EMILIN2: variants seen among roughly 807,000 people sequenced by gnomAD.
EMILIN2 encodes the protein EMILIN-2.
EMILIN2 carries 71 observed loss-of-function variants against 87.1 expected under a neutral mutation model. The observed-to-expected ratio is 0.82, with a 90% CI of 0.67 to 0.99. The LOEUF (loss-of-function observed/expected upper bound fraction) is 0.99, where lower values mean the gene tolerates loss of function less well. EMILIN2 is among the 50% of genes least tolerant of loss of function. EMILIN2 has a pLI of 0.00. For synonymous variants in EMILIN2, 581 were observed against 563.4 expected (o/e 1.03, Z -0.44); for missense variants, 1,407 against 1,371.8 (o/e 1.03, Z -0.40).
chr18:2,858,769 G>A (rs908437444), intron 2 of EMILIN2, among the ~76,000 whole-genome samples: 1 of 150,960 alleles, frequency 6.6e-6, no homozygotes, highest in Non-Finnish European at 1.5e-5. Context: ...CCGAGTAGCT[G>A]GGATTACAGG....
intron 2 of EMILIN2, among the ~76,000 whole-genome samples, chr18:2,876,227 C>T (rs1000216448): frequency 3.3e-5 from 5 of 151,518 alleles, no homozygotes; most frequent in African/African-American, 4.8e-5. Context: ...GTGATCCACC[C>T]GCCTCGGCCT....
At position 2,890,407 on chromosome 18, in the gene EMILIN2, CTT is replaced by C. The variant is rs1176777471; in HGVS notation, c.434-151_434-150del. Among the ~76,000 whole-genome samples the C allele has an allele frequency of 6.6e-6, 1 of 152,228 alleles. No individual in the cohort carries two copies. Among genetic ancestry groups the C allele is most frequent in the Non-Finnish European group, 1.5e-5 (1 of 68,044 alleles). ...TCTATTTGACTACAAAGCCCATACT[CTT>C]TTCTACTGTACCACAGTACTTACCT... On this transcript the variant is annotated intron_variant, in intron 3 of 7. Coordinates refer to ENST00000254528, the MANE Select transcript of EMILIN2 (RefSeq NM_032048.3). The surrounding 1 kb of genome is among the most constrained non-coding windows in gnomAD (Gnocchi z 4.7).
Position 2,890,754 on chromosome 18 carries a change from T to C in EMILIN2, c.627T>C (p.Ser209=). The C allele has an allele frequency of 1.9e-6, 3 of 1,613,642 alleles. No homozygotes were observed. Among genetic ancestry groups the C allele is most frequent in the Non-Finnish European group, 2.5e-6 (3 of 1,179,832 alleles). Residue 209 remains serine (S), a synonymous_variant, in exon 4 of 8, where the codon AGT becomes AGC. Transcript: ENST00000254528. This position sits in a 1 kb window ranked among gnomAD's most constrained non-coding sequence, Gnocchi z 4.7. ...LDLQSSLAGV[S]ENLKHATQDD... is the part of the protein sequence containing the mutation. ...TCCAGTCTTCCCTTGCTGGAGTGAGTGAAAATCTCAAACATGCCACTCAGG... is the reference window on the plus strand; with the variant it reads ...TCCAGTCTTCCCTTGCTGGAGTGAGCGAAAATCTCAAACATGCCACTCAGG...
rs1042889259 is a variant in EMILIN2, at chr18:2,894,656, T to C, written c.2359+2170T>C. Among the ~76,000 whole-genome samples, 2 of 152,238 alleles carry C rather than the reference T, an allele frequency of 1.3e-5. No homozygotes were observed. The highest frequency in any genetic ancestry group is 4.8e-5 in the African/African-American group (2 of 41,466). On this transcript the variant is annotated intron_variant, in intron 4 of 7. Transcript: ENST00000254528. This position sits in a 1 kb window ranked among gnomAD's most constrained non-coding sequence, Gnocchi z 5.0. ...GGGTGAATTCTTTTAAAAGAGAATGTGCCATACAAAACATTATCCCTTTGG... is the reference window on the plus strand; with the variant it reads ...GGGTGAATTCTTTTAAAAGAGAATGCGCCATACAAAACATTATCCCTTTGG...
Position 2,890,952 on chromosome 18 carries a change from C to T in EMILIN2, c.825C>T (p.Asn275=), listed in dbSNP as rs779182627. The change falls in exon 4 of 8, where the codon AAC becomes AAT. Residue 275 remains asparagine, a synonymous_variant. Coordinates refer to ENST00000254528, the MANE Select transcript of EMILIN2 (RefSeq NM_032048.3). The surrounding 1 kb of genome is among the most constrained non-coding windows in gnomAD (Gnocchi z 4.7). ...ELAEVKDTLK[N]KSDKLEELDG... The stretch of plus-strand genomic sequence containing the variant: ...CTGAAGTCAAAGATACTCTAAAGAA[C>T]AAAAGTGACAAGCTGGAAGAGCTGG... 1 of 1,614,096 alleles carries T rather than the reference C, an allele frequency of 6.2e-7. No individual in the cohort carries two copies. Among genetic ancestry groups the T allele is most frequent in the South Asian group, 1.1e-5 (1 of 91,078 alleles).
In EMILIN2 at chr18:2,895,765, T is replaced by TG. The variant is rs570834638; in HGVS notation, c.2359+3281dup. Among the ~76,000 whole-genome samples the TG allele has an allele frequency of 1.5e-3, 222 of 152,356 alleles. 1 individual carries two copies. The highest frequency in any genetic ancestry group is 5.1e-3 in the African/African-American group (210 of 41,582). ...GGCCTCCCACAGGCTAGCCCAGAGC[T>TG]GGAGTGGCATCACTGCCACATTCTA... On this transcript the variant is annotated intron_variant, in intron 4 of 7. Transcript: ENST00000254528.
chr18:2,896,348 G>C (rs2076863682), intron 4 of EMILIN2, among the ~76,000 whole-genome samples: 1 of 151,934 alleles, frequency 6.6e-6, no homozygotes, highest in Non-Finnish European at 1.5e-5. Context: ...GCTAATTTTT[G>C]TATTTTTAGT....
At chr18:2,889,692 CTTTTTTTTT>C (rs34248672) in intron 3 of EMILIN2, among the ~76,000 whole-genome samples, 3 of 96,666 alleles carry the variant, frequency 3.1e-5, no homozygotes, top group Non-Finnish European at 5.9e-5. Context: ...TTTTTCTTTT[CTTTTTTTTT>C]TTTTTTTTTT....
intron 2 of EMILIN2, among the ~76,000 whole-genome samples, chr18:2,864,661 A>C (rs896435413): frequency 6.6e-6 from 1 of 151,956 alleles, no homozygotes; most frequent in East Asian, 1.9e-4. Context: ...TTTTTCCTTC[A>C]TTTCAACTTT....
At chr18:2,900,350 G>C (rs1378901223) in intron 4 of EMILIN2, among the ~76,000 whole-genome samples, 1 of 152,104 alleles carries the variant, frequency 6.6e-6, no homozygotes, top group Non-Finnish European at 1.5e-5. Flanking sequence ...ACCATGCCCA[G>C]CTACTTTTTA....
chr18:2,874,744 T>C (rs2076739006), intron 2 of EMILIN2, among the ~76,000 whole-genome samples: 1 of 152,084 alleles, frequency 6.6e-6, no homozygotes. Flanking sequence ...AACAGAAATA[T>C]AAGTGTTCCT....
intron 2 of EMILIN2, among the ~76,000 whole-genome samples, chr18:2,864,422 A>G (rs2076676303): frequency 6.6e-6 from 1 of 152,176 alleles, no homozygotes; most frequent in Non-Finnish European, 1.5e-5. Context: ...CCTGGTGGTG[A>G]CAAAATCTCT....
chr18:2,859,661 G>A (rs1168605375), intron 2 of EMILIN2, among the ~76,000 whole-genome samples: 3 of 152,134 alleles, frequency 2.0e-5, no homozygotes, highest in African/African-American at 7.2e-5. Context: ...ATGTCTAGAA[G>A]GGCTTTTCCA....
chr18:2,876,235 C>G (rs2076747203), intron 2 of EMILIN2, among the ~76,000 whole-genome samples: 1 of 151,646 alleles, frequency 6.6e-6, no homozygotes, highest in Admixed American at 6.6e-5. Flanking sequence ...CCCGCCTCGG[C>G]CTCCCAAAGT....
At chr18:2,873,346 A>G (rs2076730265) in intron 2 of EMILIN2, among the ~76,000 whole-genome samples, 1 of 151,742 alleles carries the variant, frequency 6.6e-6, no homozygotes, top group South Asian at 2.1e-4. Flanking sequence ...GGAGGCAGAG[A>G]TTGCAGTGAG....
At chr18:2,910,454 G>A (rs1417811230) in intron 7 of EMILIN2, among the ~76,000 whole-genome samples, 1 of 152,212 alleles carries the variant, frequency 6.6e-6, no homozygotes, top group African/African-American at 2.4e-5. Context: ...GTCCACCTGG[G>A]CTGGGCTGCT....
chr18:2,889,133 C>CTTTTTTTTTTTTTTT (rs772439545), intron 3 of EMILIN2, among the ~76,000 whole-genome samples: 41 of 84,358 alleles, frequency 4.9e-4, no homozygotes, highest in African/African-American at 8.4e-4. Context: ...TCTTTCTTTT[C>CTTTTTTTTTTTTTTT]TTTTTTTTTT....
Position 2,848,082 on chromosome 18 carries a change from CG to C in EMILIN2, c.257+155del, listed in dbSNP as rs1431116592. On this transcript the variant is annotated intron_variant, in intron 2 of 7. Coordinates refer to ENST00000254528, the MANE Select transcript of EMILIN2 (RefSeq NM_032048.3). The surrounding 1 kb of genome is among the most constrained non-coding windows in gnomAD (Gnocchi z 4.1). ...AGCGGAAAAGCGCTCCGAGCGCTCG[CG>C]GGGCACCGGCCACGCTGGGCTATTT... 9.4e-7 allele frequency: 1 copy of C among 1,068,166 alleles called. No homozygotes were observed. The highest frequency in any genetic ancestry group is 1.3e-6 in the Non-Finnish European group (1 of 770,464). The allele number at this position is 1,068,166 out of a possible 1,614,324, so 66.2% of individuals were successfully genotyped here.
At chr18:2,870,226 C>A (rs1234125438) in intron 2 of EMILIN2, among the ~76,000 whole-genome samples, 2 of 152,078 alleles carry the variant, frequency 1.3e-5, no homozygotes, top group Non-Finnish European at 2.9e-5. Flanking sequence ...ACGTGACAGA[C>A]CCTGTCTCAA....
Sources: allele counts gnomAD v4.1 joint callset (sites outside exome capture counted in the v4.1 genomes callset), GRCh38; gene constraint gnomAD v4.1.1; non-coding constraint Gnocchi (gnomAD v3.1); transcripts MANE v1.5; gene names NCBI Gene and HGNC (gene_info 2026-07-23, HGNC 2026-07-21).